Variants in HS3ST5 observed in about 807,000 individuals in gnomAD.
The protein encoded by HS3ST5 is heparan sulfate-glucosamine 3-sulfotransferase 5.
A neutral mutation model predicts 25.4 loss-of-function variants in HS3ST5; 10 were observed. That is an observed-to-expected ratio of 0.39 (90% CI 0.24 to 0.67). HS3ST5 has a LOEUF of 0.67. HS3ST5 is among the 30% of genes least tolerant of loss of function. The pLI is 0.44. For missense variants in HS3ST5, 324 were observed against 420.7 expected (o/e 0.77, Z 2.01); for synonymous variants, 170 against 162.4 (o/e 1.05, Z -0.36).
chr6:114,151,537 C>T (rs1778451195), intron 3 of HS3ST5, among the ~76,000 whole-genome samples: 1 of 152,196 alleles, frequency 6.6e-6, no homozygotes, highest in Non-Finnish European at 1.5e-5. Context: ...GGGATTGAAA[C>T]TAAATGCCTC....
At chr6:114,223,148 TA>T (rs1782120447) in intron 2 of HS3ST5, among the ~76,000 whole-genome samples, 1 of 151,758 alleles carries the variant, frequency 6.6e-6, no homozygotes, top group African/African-American at 2.4e-5. Context: ...CATTTTTGAA[TA>T]TTTTTTTCAT....
chr6:114,231,292 A>C (rs1771576770), intron 1 of HS3ST5: 1 of 152,188 alleles, frequency 6.6e-6, no homozygotes. Context: ...AAGATCTTCG[A>C]GCTTTGAAAA....
chr6:114,136,378 G>A (rs6940144), intron 3 of HS3ST5, among the ~76,000 whole-genome samples: 99,826 of 152,096 alleles, frequency 0.66, 32,921 homozygotes, highest in Admixed American at 0.73. Flanking sequence ...CTGCCATGTA[G>A]GATGTGACTT....
At chr6:114,265,686 T>C (rs1477908727) in intron 1 of HS3ST5, among the ~76,000 whole-genome samples, 1 of 152,202 alleles carries the variant, frequency 6.6e-6, no homozygotes, top group African/African-American at 2.4e-5. Context: ...ATACCAAATC[T>C]AATGAAGATT....
At chr6:114,213,017 A>T (rs1781575320) in intron 2 of HS3ST5, among the ~76,000 whole-genome samples, 1 of 152,122 alleles carries the variant, frequency 6.6e-6, no homozygotes. Context: ...AGCATACAGG[A>T]AGAATCAGGT....
At chr6:114,281,342 G>A (rs906610441) in intron 1 of HS3ST5, among the ~76,000 whole-genome samples, 2 of 152,016 alleles carry the variant, frequency 1.3e-5, no homozygotes, top group African/African-American at 4.8e-5. Flanking sequence ...TGGAATGATG[G>A]TTCTGTATAA....
intron 3 of HS3ST5, among the ~76,000 whole-genome samples, chr6:114,074,531 C>T (rs1031783439): frequency 6.6e-6 from 1 of 152,094 alleles, no homozygotes; most frequent in East Asian, 1.9e-4. Flanking sequence ...GGGCCTACCC[C>T]TCATCTTCTG....
intron 2 of HS3ST5, among the ~76,000 whole-genome samples, chr6:114,190,836 T>C (rs1230171662): frequency 3.3e-5 from 5 of 152,210 alleles, no homozygotes; most frequent in Non-Finnish European, 5.9e-5. Context: ...TTGGCATGAA[T>C]GCACCATGTA....
In HS3ST5 at chr6:114,299,255, C is replaced by T. The variant is rs559932476; in HGVS notation, c.-339+42940G>A. ...CATAGTGTTCCCAGGCTTATTAGGACAAGGAAATTCCTGCCTAATAAATTT... is the reference window on the plus strand; with the variant it reads ...CATAGTGTTCCCAGGCTTATTAGGATAAGGAAATTCCTGCCTAATAAATTT... On this transcript the variant is annotated intron_variant, in intron 1 of 4. Transcript: ENST00000312719. 2.3e-3 allele frequency among the ~76,000 whole-genome samples: 350 copies of T among 152,242 alleles called. 1 individual carries two copies. The highest frequency in any genetic ancestry group is 6.2e-3 in the Admixed American group (95 of 15,298).
chr6:114,282,043 T>C (rs954300800), intron 1 of HS3ST5: 1 of 151,940 alleles, frequency 6.6e-6, no homozygotes, highest in Non-Finnish European at 1.5e-5. Context: ...AAAGAAAGTA[T>C]ATACTGAAAT....
At chr6:114,319,326 TACAG>T (rs1775872310) in intron 1 of HS3ST5, among the ~76,000 whole-genome samples, 1 of 152,310 alleles carries the variant, frequency 6.6e-6, no homozygotes, top group East Asian at 1.9e-4. Context: ...GGAATGATTC[TACAG>T]ACAAATACTG....
At chr6:114,102,423 C>A (rs753589845) in intron 3 of HS3ST5, among the ~76,000 whole-genome samples, 6 of 152,058 alleles carry the variant, frequency 3.9e-5, no homozygotes, top group Non-Finnish European at 7.4e-5. Context: ...GTCTACTTTC[C>A]CCCATCTGGA....
At chr6:114,161,521 T>TATATATA (rs1778947740) in intron 3 of HS3ST5, among the ~76,000 whole-genome samples, 1 of 33,538 alleles carries the variant, frequency 3.0e-5, no homozygotes, top group Non-Finnish European at 5.6e-5. Flanking sequence ...TCCTGAAGTT[T>TATATATA]TATATATATA....
chr6:114,158,715 T>C (rs771298631), intron 3 of HS3ST5, among the ~76,000 whole-genome samples: 3 of 152,224 alleles, frequency 2.0e-5, no homozygotes, highest in Non-Finnish European at 2.9e-5. Flanking sequence ...ATACCATGCA[T>C]ACACACAATT....
chr6:114,307,817 A>G (rs1268301697), intron 1 of HS3ST5, among the ~76,000 whole-genome samples: 1 of 152,034 alleles, frequency 6.6e-6, no homozygotes, highest in African/African-American at 2.4e-5. Context: ...TTTCTTATCA[A>G]TATATTATTA....
intron 1 of HS3ST5, among the ~76,000 whole-genome samples, chr6:114,333,360 CAT>C (rs1304788093): frequency 6.6e-6 from 1 of 152,080 alleles, no homozygotes; most frequent in African/African-American, 2.4e-5. Context: ...AGCAAAATAA[CAT>C]AAAGTATTTG....
At chr6:114,312,455 G>A (rs977210861) in intron 1 of HS3ST5, among the ~76,000 whole-genome samples, 15 of 152,048 alleles carry the variant, frequency 9.9e-5, no homozygotes, top group Non-Finnish European at 2.2e-4. Context: ...AGACACAAGA[G>A]AAGATCCTTG....
At chr6:114,089,015 C>T (rs1042710858) in intron 3 of HS3ST5, 9 of 152,190 alleles carry the variant, frequency 5.9e-5, no homozygotes, top group Non-Finnish European at 8.8e-5. Context: ...GCTCTGTCTC[C>T]TGTGGTAAGT....
At chr6:114,282,549 G>A (rs930306214) in intron 1 of HS3ST5, among the ~76,000 whole-genome samples, 3 of 151,960 alleles carry the variant, frequency 2.0e-5, no homozygotes, top group South Asian at 2.1e-4. Context: ...CTTTAATTAC[G>A]GTGACTTTTC....
Sources: allele counts gnomAD v4.1 joint callset (sites outside exome capture counted in the v4.1 genomes callset), GRCh38; gene constraint gnomAD v4.1.1; transcripts MANE v1.5; gene names NCBI Gene and HGNC (gene_info 2026-07-23, HGNC 2026-07-21).